SOS1: variants seen among roughly 807,000 people sequenced by gnomAD.
SOS1 encodes the protein SOS Ras/Rac guanine nucleotide exchange factor 1.
In SOS1, 25 loss-of-function variants were observed where a neutral mutation model predicts 157.6. That is an observed-to-expected ratio of 0.16 (90% CI 0.12 to 0.22). SOS1 has a LOEUF of 0.22. Among genes scored for constraint, SOS1 ranks in the 10% least tolerant of loss-of-function variants. The pLI is 1.00. For missense variants in SOS1, 1,237 were observed against 1,599.1 expected, an observed-to-expected ratio of 0.77 and a Z score of 3.86; for synonymous variants, 528 against 534.0, an observed-to-expected ratio of 0.99 and a Z score of 0.16.
intron 12 of SOS1, 52 bp downstream of exon 12, chr2:39,013,815 T>C (rs548881698): frequency 3.5e-4 from 536 of 1,543,746 alleles, no homozygotes; most frequent in Non-Finnish European, 4.5e-4. Flanking sequence ...TACTTCAACA[T>C]TGAAACGAAA....
At position 38,983,438 on chromosome 2, in the gene SOS1, T is replaced by G. The variant is rs1228892634; in HGVS notation, c.*2386A>C. The G allele has an allele frequency of 6.6e-6, 1 of 152,160 alleles. No individual in the cohort carries two copies. The highest frequency in any genetic ancestry group is 1.5e-5 in the Non-Finnish European group (1 of 68,006). 9.4% of individuals were successfully genotyped at this position (152,160 alleles called of 1,614,324 possible). ...AAAAATATCCTCCATCCACAATGCATGTAAAACTGTTGCACAGTGAAGTGG... is the reference window on the plus strand; with the variant it reads ...AAAAATATCCTCCATCCACAATGCAGGTAAAACTGTTGCACAGTGAAGTGG... On this transcript the variant is annotated 3_prime_UTR_variant, in exon 23 of 23. Transcript: ENST00000402219.
At chr2:39,090,223 G>A (rs1015599259) in intron 1 of SOS1, among the ~76,000 whole-genome samples, 2 of 151,464 alleles carry the variant, frequency 1.3e-5, no homozygotes, top group South Asian at 2.1e-4. Context: ...AAATGGTAGC[G>A]CCTAGGGCTA....
intron 1 of SOS1, among the ~76,000 whole-genome samples, chr2:39,108,418 G>A (rs1558517388): frequency 6.6e-6 from 1 of 152,146 alleles, no homozygotes; most frequent in Non-Finnish European, 1.5e-5. Flanking sequence ...CACACGATCT[G>A]GCCCCCACTC....
chr2:39,105,799 C>T (rs1673149530), intron 1 of SOS1, among the ~76,000 whole-genome samples: 3 of 152,026 alleles, frequency 2.0e-5, no homozygotes, highest in African/African-American at 7.2e-5. Flanking sequence ...ACTGGGGAGG[C>T]TGAGGTAGGA....
chr2:39,063,617 A>C (rs1671488583), intron 2 of SOS1, among the ~76,000 whole-genome samples: 1 of 152,194 alleles, frequency 6.6e-6, no homozygotes, highest in Non-Finnish European at 1.5e-5. Context: ...CTGTAGTACA[A>C]TTTATCAAAA....
chr2:38,997,161 T>C, intron 18 of SOS1, 92 bp downstream of exon 18: 1 of 1,142,046 alleles, frequency 8.8e-7, no homozygotes, highest in Non-Finnish European at 1.3e-6. Context: ...AAGGTTTATT[T>C]TACTTTTTCT....
intron 1 of SOS1, among the ~76,000 whole-genome samples, chr2:39,105,096 A>C (rs1673115595): frequency 6.6e-6 from 1 of 152,192 alleles, no homozygotes; most frequent in African/African-American, 2.4e-5. Flanking sequence ...CTCTTAAACA[A>C]AACATCTATG....
At chr2:39,001,345 G>A (rs891385073) in intron 17 of SOS1, among the ~76,000 whole-genome samples, 1 of 152,194 alleles carries the variant, frequency 6.6e-6, no homozygotes, top group Non-Finnish European at 1.5e-5. Context: ...TTACAGGCTT[G>A]AGCCACTGCG....
At chr2:39,041,335 T>C (rs1016019193) in intron 6 of SOS1, among the ~76,000 whole-genome samples, 15 of 152,232 alleles carry the variant, frequency 9.9e-5, no homozygotes, top group Non-Finnish European at 1.8e-4. Context: ...TAATGTACCA[T>C]GTTGGCCATT....
intron 8 of SOS1, among the ~76,000 whole-genome samples, chr2:39,031,702 C>T (rs1419499304): frequency 2.6e-5 from 4 of 151,564 alleles, no homozygotes; most frequent in African/African-American, 9.7e-5. Flanking sequence ...CAAGCCTGGG[C>T]GACAGAGTGA....
chr2:39,050,070 T>A (rs367679531), intron 6 of SOS1, among the ~76,000 whole-genome samples: 330 of 152,312 alleles, frequency 2.2e-3, no homozygotes, highest in Non-Finnish European at 3.2e-3. Flanking sequence ...TTTTTATACT[T>A]TATTACTTAT....
chr2:39,030,244 G>GAA (rs60498470), intron 8 of SOS1, among the ~76,000 whole-genome samples: 5,134 of 125,574 alleles, frequency 0.041, 150 homozygotes, highest in Non-Finnish European at 0.048. Context: ...AAAGAAAACA[G>GAA]AAAAAAAAAA....
intron 1 of SOS1, among the ~76,000 whole-genome samples, chr2:39,114,718 T>A (rs1456682144): frequency 6.6e-6 from 1 of 152,120 alleles, no homozygotes; most frequent in Non-Finnish European, 1.5e-5. Flanking sequence ...TGTCTCAGCC[T>A]CCCGAGTAGC....
intron 17 of SOS1, among the ~76,000 whole-genome samples, chr2:39,002,956 T>A (rs1292814272): frequency 6.6e-6 from 1 of 151,716 alleles, no homozygotes; most frequent in Non-Finnish European, 1.5e-5. Flanking sequence ...TTCCTCCTAC[T>A]TGGGGGATTG....
chr2:39,109,560 T>C (rs1170925637), intron 1 of SOS1, among the ~76,000 whole-genome samples: 2 of 152,202 alleles, frequency 1.3e-5, no homozygotes, highest in Non-Finnish European at 2.9e-5. Context: ...TAGAGCACCA[T>C]CGTACTGCAT....
chr2:39,110,318 T>C (rs1457369425), intron 1 of SOS1, among the ~76,000 whole-genome samples: 1 of 152,170 alleles, frequency 6.6e-6, no homozygotes, highest in Non-Finnish European at 1.5e-5. Context: ...AAAAAATCTG[T>C]ACAAATTTAG....
chr2:39,096,849 G>C (rs1023686746), intron 1 of SOS1, among the ~76,000 whole-genome samples: 4 of 151,064 alleles, frequency 2.6e-5, no homozygotes, highest in Non-Finnish European at 5.9e-5. Flanking sequence ...TCGCGCCACT[G>C]CACTACAGCC....
At chr2:39,033,940 G>C (rs1049848240) in intron 8 of SOS1, among the ~76,000 whole-genome samples, 1 of 151,220 alleles carries the variant, frequency 6.6e-6, no homozygotes, top group Non-Finnish European at 1.5e-5. Flanking sequence ...AAAAAATCCC[G>C]TTATTAGAGA....
At chr2:39,082,336 A>T (rs1456113771) in intron 1 of SOS1, among the ~76,000 whole-genome samples, 1 of 152,222 alleles carries the variant, frequency 6.6e-6, no homozygotes, top group Non-Finnish European at 1.5e-5. Context: ...GCATCTGGGA[A>T]AAGCAGAATA....
Sources: allele counts gnomAD v4.1 joint callset (sites outside exome capture counted in the v4.1 genomes callset), GRCh38; gene constraint gnomAD v4.1.1; transcripts MANE v1.5; gene names NCBI Gene and HGNC (gene_info 2026-07-23, HGNC 2026-07-21).